The following RAB30 variants were observed in gnomAD, a reference collection of about 807,000 sequenced individuals.
RAB30 encodes the protein ras-related protein Rab-30.
A neutral mutation model predicts 25.1 loss-of-function variants in RAB30; 9 were observed. The ratio of observed to expected loss-of-function variants is 0.36; its 90% CI spans 0.22 to 0.63. The LOEUF is 0.63. RAB30 is among the 20% of genes least tolerant of loss of function. The probability of loss-of-function intolerance (pLI) is 0.69; values close to 1 mark genes in which losing one functional copy is unlikely to be tolerated. For missense variants in RAB30, 140 were observed against 243.5 expected (o/e 0.58, Z 2.83); for synonymous variants, 77 against 86.4 (o/e 0.89, Z 0.60).
intron 1 of RAB30, among the ~76,000 whole-genome samples, chr11:83,029,309 T>C (rs543273428): frequency 6.6e-6 from 1 of 152,082 alleles, no homozygotes; most frequent in African/African-American, 2.4e-5. Flanking sequence ...CCAACACCCA[T>C]TACCAAAGTT....
intron 1 of RAB30, among the ~76,000 whole-genome samples, chr11:83,008,022 C>T (rs1163269785): frequency 1.3e-5 from 2 of 152,252 alleles, no homozygotes; most frequent in Non-Finnish European, 2.9e-5. Flanking sequence ...TGCCTTCCCC[C>T]TTGTATTCTC....
At chr11:83,025,517 G>GA (rs1857689859) in intron 1 of RAB30, among the ~76,000 whole-genome samples, 3 of 152,172 alleles carry the variant, frequency 2.0e-5, no homozygotes, top group African/African-American at 7.2e-5. Context: ...AAGACAAGAA[G>GA]GAAAGGGGCA....
chr11:83,045,077 T>C (rs1271464716), intron 1 of RAB30, among the ~76,000 whole-genome samples: 1 of 151,882 alleles, frequency 6.6e-6, no homozygotes, highest in Non-Finnish European at 1.5e-5. Flanking sequence ...CATTAGCCTA[T>C]CTCATGAAAG....
In RAB30 at chr11:82,978,193, G is replaced by C. The variant is rs1306457468; in HGVS notation, c.*3972C>G. On this transcript the variant is annotated 3_prime_UTR_variant, in exon 5 of 5. Transcript: ENST00000527633. ...TGGTTGAGAAAAGTAACCAGTTGCA[G>C]TTAAAACAACAACAACAACAACAAA... The C allele has an allele frequency of 6.6e-6, 1 of 151,984 alleles. No homozygotes were observed. Among genetic ancestry groups the C allele is most frequent in the African/African-American group, 2.4e-5 (1 of 41,374 alleles). 9.4% of individuals were successfully genotyped at this position (151,984 alleles called of 1,614,324 possible).
chr11:83,061,602 G>T (rs1467655763), intron 1 of RAB30, among the ~76,000 whole-genome samples: 1 of 151,700 alleles, frequency 6.6e-6, no homozygotes, highest in African/African-American at 2.4e-5. Flanking sequence ...GTGCACACGT[G>T]TGTGTGTATG....
At chr11:83,032,593 T>A (rs1432534881) in intron 1 of RAB30, among the ~76,000 whole-genome samples, 2 of 152,158 alleles carry the variant, frequency 1.3e-5, no homozygotes, top group Non-Finnish European at 2.9e-5. Flanking sequence ...GCCACCTGAG[T>A]AGCTGGAATT....
intron 1 of RAB30, among the ~76,000 whole-genome samples, chr11:83,015,153 T>C (rs1219788148): frequency 6.6e-6 from 1 of 152,300 alleles, no homozygotes; most frequent in African/African-American, 2.4e-5. Context: ...CCAATTAACA[T>C]TTTTAAAATT....
chr11:83,022,975 G>GTATATATA (rs10661823), intron 1 of RAB30, among the ~76,000 whole-genome samples: 2 of 150,312 alleles, frequency 1.3e-5, no homozygotes, highest in Non-Finnish European at 3.0e-5. Flanking sequence ...GTATGTATGT[G>GTATATATA]TATATATATA....
At chr11:83,011,667 A>G (rs1017005651) in intron 1 of RAB30, among the ~76,000 whole-genome samples, 4 of 152,176 alleles carry the variant, frequency 2.6e-5, no homozygotes, top group African/African-American at 9.7e-5. Flanking sequence ...GTTGAAGGAA[A>G]CCAATTCAAT....
intron 4 of RAB30, among the ~76,000 whole-genome samples, chr11:82,983,748 A>G (rs538008499): frequency 6.6e-6 from 1 of 152,128 alleles, no homozygotes; most frequent in South Asian, 2.1e-4. Flanking sequence ...CAGAGTAACT[A>G]TTTCAAGGTG....
intron 1 of RAB30, among the ~76,000 whole-genome samples, chr11:83,070,986 C>T (rs74949508): frequency 0.013 from 1,958 of 152,336 alleles, 36 homozygotes; most frequent in Middle Eastern, 0.048. Flanking sequence ...AATCTGTCGG[C>T]TCCACTTCCA....
At chr11:83,063,564 T>G in intron 1 of RAB30, among the ~76,000 whole-genome samples, 1 of 152,114 alleles carries the variant, frequency 6.6e-6, no homozygotes, top group South Asian at 2.1e-4. Context: ...ACACATCAAC[T>G]TTTATTACCA....
At chr11:83,033,957 G>A (rs577518305) in intron 1 of RAB30, among the ~76,000 whole-genome samples, 53 of 152,088 alleles carry the variant, frequency 3.5e-4, no homozygotes, top group Non-Finnish European at 6.9e-4. Context: ...TGGGGACCTC[G>A]ACAGCTGCCA....
chr11:83,021,727 C>T (rs11233426), intron 1 of RAB30, among the ~76,000 whole-genome samples: 7,818 of 152,236 alleles, frequency 0.051, 287 homozygotes, highest in East Asian at 0.11. Context: ...AGGGCAAAGG[C>T]GCCACCGGCC....
intron 1 of RAB30, among the ~76,000 whole-genome samples, chr11:82,999,647 TA>T (rs142646464): frequency 0.033 from 4,991 of 152,246 alleles, 139 homozygotes; most frequent in East Asian, 0.074. Flanking sequence ...CTCAGTTACT[TA>T]AATACCATGG....
Position 83,033,189 on chromosome 11 carries a change from G to A in RAB30, c.-8-35865C>T, listed in dbSNP as rs548448796. Reference sequence around the variant, plus strand: ...AAGTGATTCTCCTGCCTCAGCCTCCGGAGTAGCTAGGATTACAGGCACATG... The same window carrying A: ...AAGTGATTCTCCTGCCTCAGCCTCCAGAGTAGCTAGGATTACAGGCACATG... On this transcript the variant is annotated intron_variant, in intron 1 of 4. Coordinates refer to ENST00000527633, the MANE Select transcript of RAB30 (RefSeq NM_001286060.2). 6.2e-4 allele frequency among the ~76,000 whole-genome samples: 93 copies of A among 149,118 alleles called. 2 individuals are homozygous for A. Among genetic ancestry groups the A allele is most frequent in the African/African-American group, 2.1e-3 (84 of 40,580 alleles).
At chr11:83,030,508 C>A (rs1857831211) in intron 1 of RAB30, among the ~76,000 whole-genome samples, 2 of 151,558 alleles carry the variant, frequency 1.3e-5, no homozygotes. Flanking sequence ...AAAAAAAAGT[C>A]TTTTTTTGGC....
intron 1 of RAB30, among the ~76,000 whole-genome samples, chr11:83,017,564 C>T (rs1007781064): frequency 2.0e-5 from 3 of 152,094 alleles, no homozygotes; most frequent in Admixed American, 2.0e-4. Context: ...CCCCAAAGTC[C>T]ATGTCATTCC....
At chr11:83,021,945 T>A (rs767266577) in intron 1 of RAB30, among the ~76,000 whole-genome samples, 12 of 152,232 alleles carry the variant, frequency 7.9e-5, no homozygotes, top group Non-Finnish European at 1.3e-4. Flanking sequence ...TGAAGACAGA[T>A]CATATATTTT....
Sources: allele counts gnomAD v4.1 joint callset (sites outside exome capture counted in the v4.1 genomes callset), GRCh38; gene constraint gnomAD v4.1.1; transcripts MANE v1.5; gene names NCBI Gene and HGNC (gene_info 2026-07-23, HGNC 2026-07-21).